TNKS: variants seen among roughly 807,000 people sequenced by gnomAD.
The protein encoded by TNKS is tankyrase, also known as poly [ADP-ribose] polymerase tankyrase-1.
In TNKS, 72 loss-of-function variants were observed where a neutral mutation model predicts 135.8. The observed-to-expected ratio is 0.53, with a 90% CI of 0.44 to 0.64. The LOEUF is 0.64. TNKS is among the 30% of genes least tolerant of loss of function. The pLI is 0.00. For synonymous variants in TNKS, 849 were observed against 649.3 expected, an observed-to-expected ratio of 1.31 and a Z score of -4.68; for missense variants, 1,769 against 1,674.0, an observed-to-expected ratio of 1.06 and a Z score of -0.99.
chr8:9,556,748 G>C (rs1393298977), intron 1 of TNKS, 136 bp downstream of exon 1: 1 of 984,918 alleles, frequency 1.0e-6, no homozygotes, highest in Non-Finnish European at 1.5e-6. Flanking sequence ...CAGAAGACTG[G>C]AGGTTCCTTT....
intron 3 of TNKS, among the ~76,000 whole-genome samples, chr8:9,654,297 C>G (rs754359071): frequency 6.6e-6 from 1 of 152,172 alleles, no homozygotes; most frequent in East Asian, 1.9e-4. Context: ...CTGTGCTTTT[C>G]TATTTAGATT....
At position 9,669,717 on chromosome 8, in the gene TNKS, C is replaced by T. The variant is rs931395019; in HGVS notation, c.995-10234C>T. Among the ~76,000 whole-genome samples the T allele has an allele frequency of 6.6e-5, 10 of 152,050 alleles. No individual in the cohort carries two copies. The East Asian group carries it at 1.4e-3, about 21-fold the overall frequency. On this transcript the variant is annotated intron_variant, in intron 3 of 26. Coordinates refer to ENST00000310430, the MANE Select transcript of TNKS (RefSeq NM_003747.3). ...CAGACTTCACATATAGAGAAATGCT[C>T]ATTAATTTGGAATAACCTAATTAAA...
intron 3 of TNKS, among the ~76,000 whole-genome samples, chr8:9,653,695 A>G (rs549356591): frequency 2.5e-4 from 38 of 152,188 alleles, no homozygotes; most frequent in Non-Finnish European, 4.6e-4. Flanking sequence ...CCCACTTCTC[A>G]GCATCATTAT....
intron 3 of TNKS, among the ~76,000 whole-genome samples, chr8:9,619,804 T>TTCC (rs1259687833): frequency 3.3e-5 from 5 of 151,420 alleles, no homozygotes; most frequent in Non-Finnish European, 7.4e-5. Flanking sequence ...TTTTTTTTTT[T>TTCC]TCCTGCTAAC....
intron 5 of TNKS, 136 bp from the exon 6 acceptor site, chr8:9,704,527 A>G (rs1194459370): frequency 1.5e-6 from 1 of 658,210 alleles, no homozygotes; most frequent in Non-Finnish European, 2.6e-6. Context: ...TCCTTAAGTT[A>G]TGAAATGTGA....
Position 9,741,766 on chromosome 8 carries a change from G to A in TNKS, c.2644-6258G>A, listed in dbSNP as rs79397096. 7.9e-3 allele frequency: 4,002 copies of A among 506,376 alleles called. 24 individuals carry two copies. The highest frequency in any genetic ancestry group is 0.012 in the Non-Finnish European group (2,815 of 238,994). 31.4% of individuals were successfully genotyped at this position (506,376 alleles called of 1,614,324 possible). Reference sequence around the variant, plus strand: ...GGCTCAAGCGTAATGTAGAGTACTGGTCGACCTTGTCTAACTTCACGTTCC... The same window carrying A: ...GGCTCAAGCGTAATGTAGAGTACTGATCGACCTTGTCTAACTTCACGTTCC... On this transcript the variant is annotated intron_variant, in intron 17 of 26. Coordinates refer to ENST00000310430, the MANE Select transcript of TNKS (RefSeq NM_003747.3).
chr8:9,659,429 A>T (rs545344669), intron 3 of TNKS, among the ~76,000 whole-genome samples: 37 of 152,338 alleles, frequency 2.4e-4, no homozygotes, highest in African/African-American at 7.5e-4. Flanking sequence ...GGATTAAGAA[A>T]GTCACTCAAA....
intron 5 of TNKS, among the ~76,000 whole-genome samples, chr8:9,694,020 G>A (rs908585297): frequency 6.6e-6 from 1 of 152,154 alleles, no homozygotes; most frequent in African/African-American, 2.4e-5. Flanking sequence ...GGCCAAACTG[G>A]TTCTTCATCT....
chr8:9,681,518 A>C (rs1287675116), intron 5 of TNKS, among the ~76,000 whole-genome samples: 1 of 152,112 alleles, frequency 6.6e-6, no homozygotes, highest in African/African-American at 2.4e-5. Context: ...ATTGAAAACC[A>C]ATGCACTCTG....
intron 2 of TNKS, 96 bp downstream of exon 2, chr8:9,580,479 G>T: frequency 9.3e-7 from 1 of 1,073,614 alleles, no homozygotes; most frequent in Non-Finnish European, 1.3e-6. Flanking sequence ...GGTAAGGAAG[G>T]GTTTATTGCT....
intron 1 of TNKS, among the ~76,000 whole-genome samples, chr8:9,565,854 C>G (rs1297694386): frequency 1.3e-5 from 2 of 151,732 alleles, no homozygotes; most frequent in Non-Finnish European, 2.9e-5. Flanking sequence ...AAGACTCCGT[C>G]TCAAAAAAAA....
intron 12 of TNKS, among the ~76,000 whole-genome samples, chr8:9,722,698 G>A (rs1478554255): frequency 1.3e-5 from 2 of 151,912 alleles, no homozygotes; most frequent in Non-Finnish European, 2.9e-5. Context: ...TGTGATTTTT[G>A]TTAAAATTTC....
intron 3 of TNKS, among the ~76,000 whole-genome samples, chr8:9,640,395 G>A (rs889565553): frequency 6.9e-6 from 1 of 145,254 alleles, no homozygotes; most frequent in Non-Finnish European, 1.5e-5. Flanking sequence ...GTTGCACTGG[G>A]GATTTTTAAC....
intron 1 of TNKS, among the ~76,000 whole-genome samples, chr8:9,577,623 G>C (rs186964264): frequency 4.6e-5 from 7 of 152,182 alleles, no homozygotes; most frequent in African/African-American, 1.7e-4. Flanking sequence ...ACAGCAAGAG[G>C]GAAATCTGCC....
intron 11 of TNKS, among the ~76,000 whole-genome samples, chr8:9,715,375 G>A (rs1306661993): frequency 3.3e-5 from 5 of 151,596 alleles, no homozygotes; most frequent in Admixed American, 3.3e-4. Context: ...GGGCGGGTAT[G>A]ATCATCTCTG....
chr8:9,671,800 C>G (rs1330209231), intron 3 of TNKS, among the ~76,000 whole-genome samples: 1 of 152,212 alleles, frequency 6.6e-6, no homozygotes, highest in African/African-American at 2.4e-5. Flanking sequence ...GTAGTCACCC[C>G]TTATCCACAG....
At chr8:9,662,422 A>T (rs1801763635) in intron 3 of TNKS, among the ~76,000 whole-genome samples, 2 of 152,338 alleles carry the variant, frequency 1.3e-5, no homozygotes, top group East Asian at 3.9e-4. Context: ...GCCATAAAAA[A>T]GGATGAGTTC....
intron 11 of TNKS, among the ~76,000 whole-genome samples, chr8:9,712,731 A>T (rs1336816025): frequency 6.6e-6 from 1 of 151,742 alleles, no homozygotes; most frequent in African/African-American, 2.4e-5. Context: ...TCTACAAATA[A>T]TAAAAAAAAA....
At chr8:9,674,527 A>G (rs1214913491) in intron 3 of TNKS, among the ~76,000 whole-genome samples, 4 of 152,220 alleles carry the variant, frequency 2.6e-5, no homozygotes, top group African/African-American at 2.4e-5. Context: ...TCGTGGTCCA[A>G]TAGAAGTTTC....
Sources: gnomAD v4.1 joint callset for allele counts (sites outside exome capture counted in the v4.1 genomes callset) on GRCh38, gnomAD v4.1.1 for gene constraint, MANE v1.5 for transcripts, NCBI Gene and HGNC (gene_info 2026-07-23, HGNC 2026-07-21) for gene names.